Variants in GDPGP1 observed in about 807,000 individuals in gnomAD.
GDPGP1 encodes the protein GDP-D-glucose phosphorylase 1.
In GDPGP1, 18 loss-of-function variants were observed where a neutral mutation model predicts 19.2. The observed-to-expected ratio is 0.94, with a 90% CI of 0.65 to 1.39. The LOEUF is 1.39. Ranked by LOEUF, GDPGP1 falls within the 40% of genes most tolerant of loss-of-function variation. GDPGP1 has a pLI of 0.00. For synonymous variants in GDPGP1, 219 were observed against 208.9 expected (o/e 1.05, Z -0.42); for missense variants, 449 against 490.5 (o/e 0.92, Z 0.80).
chr15:90,242,092 T>C lies in GDPGP1; in HGVS notation c.*26T>C. On this transcript the variant is annotated 3_prime_UTR_variant, in exon 4 of 4. Transcript: ENST00000329600. ...TACTTCTGGATGTATTTATGTTCTT[T>C]TTTTCTTTTCTTTTGAGATAGGGTC... is the stretch of plus-strand genomic sequence containing the variant. 1 of 1,558,944 alleles carries C rather than the reference T, an allele frequency of 6.4e-7. No individual in the cohort carries two copies. Among genetic ancestry groups the C allele is most frequent in the South Asian group, 1.2e-5 (1 of 84,366 alleles).
At position 90,241,115 on chromosome 15, in the gene GDPGP1, G is replaced by A. The variant is rs748673590; in HGVS notation, c.207G>A (p.Gln69=). 1 of 1,614,162 alleles carries A rather than the reference G, an allele frequency of 6.2e-7. No individual in the cohort carries two copies. The highest frequency in any genetic ancestry group is 8.5e-7 in the Non-Finnish European group (1 of 1,180,008). Residue 69 remains glutamine (Q), a synonymous_variant, in exon 4 of 4, where the codon CAG becomes CAA. Transcript: ENST00000329600. The part of the protein sequence containing the change: ...FDAALCSAWK[Q]RVELGLFRYR... ...CTGCACTCTGCTCTGCCTGGAAGCAGCGGGTGGAGCTGGGGCTGTTTCGCT... is the reference window on the plus strand; with the variant it reads ...CTGCACTCTGCTCTGCCTGGAAGCAACGGGTGGAGCTGGGGCTGTTTCGCT...
chr15:90,241,933 A>C lies in GDPGP1; in HGVS notation c.1025A>C (p.Lys342Thr). 6.2e-7 allele frequency: 1 copy of C among 1,614,144 alleles called. No individual in the cohort carries two copies. Among genetic ancestry groups the C allele is most frequent in the East Asian group, 2.2e-5 (1 of 44,880 alleles). Residue 342 changes from lysine to threonine, a missense_variant, in exon 4 of 4, where the codon AAA (lysine) becomes ACA (threonine). By Grantham distance (78) the Lys-to-Thr change is moderately conservative. Transcript: ENST00000329600. ...LCELAGHLPVKTSQDFSSLTE... is the reference protein window; with the variant it reads ...LCELAGHLPVTTSQDFSSLTE... ...GAGCTGGCTGGGCACCTCCCTGTCA[A>C]AACATCCCAGGACTTCAGCAGCCTG...
At position 90,242,253 on chromosome 15, in the gene GDPGP1, C is replaced by CTT. The variant is rs141541505; in HGVS notation, c.*211_*212dup. On this transcript the variant is annotated 3_prime_UTR_variant, in exon 4 of 4. Transcript: ENST00000329600. ...TAGGCGTGCACCACCACACACCTGG[C>CTT]TTTTTTTTTTTTTTTTTTTTTTTTT... The CTT allele has an allele frequency of 1.1e-4, 10 of 89,300 alleles. No individual in the cohort carries two copies. Among genetic ancestry groups the CTT allele is most frequent in the African/African-American group, 1.4e-4 (2 of 14,548 alleles). The allele number at this position is 89,300 out of a possible 1,614,324, so 5.5% of individuals were successfully genotyped here.
chr15:90,241,185 G>A lies in GDPGP1; in HGVS notation c.277G>A (p.Gly93Ser). The change falls in exon 4 of 4, where the codon GGT (glycine) becomes AGT (serine). Residue 93 changes from glycine to serine, a missense_variant. By Grantham distance (56) the Gly-to-Ser change is moderately conservative (BLOSUM62 0). Coordinates refer to ENST00000329600, the MANE Select transcript of GDPGP1 (RefSeq NM_001013657.3). ...GACCCAAATCCTCCCTGGTGCTGTGGGTTTCGTGGCTCAGCTGAATGTGGA... is the reference window on the plus strand; with the variant it reads ...GACCCAAATCCTCCCTGGTGCTGTGAGTTTCGTGGCTCAGCTGAATGTGGA... ...LQTQILPGAV[G>S]FVAQLNVERG... The A allele has an allele frequency of 5.6e-6, 9 of 1,614,182 alleles. No homozygotes were observed. The highest frequency in any genetic ancestry group is 1.1e-5 in the South Asian group (1 of 91,086).
chr15:90,240,465 G>A (rs1179320305), intron 3 of GDPGP1, among the ~76,000 whole-genome samples: 1 of 149,324 alleles, frequency 6.7e-6, no homozygotes, highest in Non-Finnish European at 1.5e-5. Context: ...CCAAGATCGC[G>A]CCACTGCCCT....
rs747164123 is a variant in GDPGP1 at position 90,241,853 on chromosome 15, C to A, written c.945C>A (p.Ala315=). 207 of 1,614,008 alleles carry A rather than the reference C, an allele frequency of 1.3e-4. 2 individuals are homozygous for A. The South Asian group carries it at 2.1e-3, about 16-fold the overall frequency. ...ALTGVRVILW[A]RKSSFGIKDG... ...CAGGGGTCCGAGTAATTCTGTGGGC[C>A]CGGAAGTCCAGCTTTGGGATAAAGG... Residue 315 remains alanine (A), a synonymous_variant, in exon 4 of 4, where the codon GCC becomes GCA. Transcript: ENST00000329600.
At chr15:90,236,248 G>T (rs1962634751) in intron 2 of GDPGP1, 1 of 152,164 alleles carries the variant, frequency 6.6e-6, no homozygotes, top group Non-Finnish European at 1.5e-5. Flanking sequence ...ATGTTGGTCA[G>T]GCTTGTCTCG....
At chr15:90,240,351 T>C (rs766497948) in intron 3 of GDPGP1, among the ~76,000 whole-genome samples, 4 of 147,126 alleles carry the variant, frequency 2.7e-5, no homozygotes, top group Non-Finnish European at 6.0e-5. Context: ...CTACTAAAAA[T>C]ACAAAAATTA....
In GDPGP1 at chr15:90,242,316, C is replaced by T. The variant is rs942976370; in HGVS notation, c.*250C>T. On this transcript the variant is annotated 3_prime_UTR_variant, in exon 4 of 4. Coordinates refer to ENST00000329600, the MANE Select transcript of GDPGP1 (RefSeq NM_001013657.3). The stretch of plus-strand genomic sequence containing the variant: ...ATTTTGTATTTTTTTATATAGACAG[C>T]GTTTCACCATGTTGCCCAGGCTGGT... 2.8e-5 allele frequency: 7 copies of T among 252,474 alleles called. No individual in the cohort carries two copies. In the South Asian group the frequency reaches 6.6e-4, roughly 24 times the overall value. The allele number at this position is 252,474 out of a possible 1,614,324, so 15.6% of individuals were successfully genotyped here. A position where few individuals can be genotyped will look rare whatever the true frequency, so the allele number is the denominator to read the frequency against.
At position 90,243,299 on chromosome 15, in the gene GDPGP1, T is replaced by A. The variant is rs773059354; in HGVS notation, c.*1233T>A. 5 of 152,248 alleles carry A rather than the reference T, an allele frequency of 3.3e-5. No homozygotes were observed. The highest frequency in any genetic ancestry group is 5.9e-5 in the Non-Finnish European group (4 of 68,062). 9.4% of individuals were successfully genotyped at this position (152,248 alleles called of 1,614,324 possible). A position where few individuals can be genotyped will look rare whatever the true frequency, so the allele number is the denominator to read the frequency against. ...TTTCCTCTAGCCCCCAACACCAAGT[T>A]GAATGCTCTTCACTGACATCATCTG... On this transcript the variant is annotated 3_prime_UTR_variant, in exon 4 of 4. Transcript: ENST00000329600.
Position 90,244,948 on chromosome 15 carries a change from A to G in GDPGP1, c.*2882A>G, listed in dbSNP as rs934121286. 3 of 152,232 alleles carry G rather than the reference A, an allele frequency of 2.0e-5. No homozygotes were observed. The highest frequency in any genetic ancestry group is 2.1e-4 in the South Asian group (1 of 4,824). The allele number at this position is 152,232 out of a possible 1,614,324, so 9.4% of individuals were successfully genotyped here. A position where few individuals can be genotyped will look rare whatever the true frequency, so the allele number is the denominator to read the frequency against. ...AGCGTAAGGGTGAAAGGGGGCTCAC[A>G]CAGGTGGGTTCTGGCTGCTGTCTGA... On this transcript the variant is annotated 3_prime_UTR_variant, in exon 4 of 4. Coordinates refer to ENST00000329600, the MANE Select transcript of GDPGP1 (RefSeq NM_001013657.3).
At chr15:90,240,369 C>CT (rs1354799335) in intron 3 of GDPGP1, among the ~76,000 whole-genome samples, 1 of 140,176 alleles carries the variant, frequency 7.1e-6, no homozygotes, top group Non-Finnish European at 1.5e-5. Context: ...TTAGCCGGGC[C>CT]TGGTGGCGGG....
At position 90,240,945 on chromosome 15, in the gene GDPGP1, T is replaced by G. The variant is rs550287776; in HGVS notation, c.37T>G (p.Leu13Val). Residue 13 changes from leucine to valine, a missense_variant, in exon 4 of 4, where the codon TTG (leucine) becomes GTG (valine). By Grantham distance (32) the Leu-to-Val change is conservative. Coordinates refer to ENST00000329600, the MANE Select transcript of GDPGP1 (RefSeq NM_001013657.3). ...LPHDSNETSY[L>V]LPPNNEDWGR... is the part of the protein sequence containing the mutation. The stretch of plus-strand genomic sequence containing the variant: ...ACATGATTCAAACGAAACTTCCTAT[T>G]TGCTGCCTCCCAACAATGAGGACTG... The G allele has an allele frequency of 9.9e-6, 16 of 1,614,132 alleles. No individual in the cohort carries two copies. The South Asian group carries it at 1.6e-4, about 17-fold the overall frequency.
rs1319990747 is a variant in GDPGP1, at chr15:90,242,056, A to G, written c.1148A>G (p.Glu383Gly). ...QAALVALMSQ[E>G]EQ is the part of the protein sequence containing the mutation. ...GCACTGGTGGCCCTGATGTCCCAGG[A>G]AGAGCAATAATACTTCTGGATGTAT... Residue 383 changes from glutamate (E) to glycine (G), a missense_variant, in exon 4 of 4, where the codon GAA becomes GGA. Physicochemically the swap from Glu to Gly is moderately conservative, Grantham distance 98 (BLOSUM62 -2). Transcript: ENST00000329600. 6.2e-7 allele frequency: 1 copy of G among 1,603,636 alleles called. No homozygotes were observed. The highest frequency in any genetic ancestry group is 1.3e-5 in the African/African-American group (1 of 74,280).
rs1962774203 is a variant in GDPGP1, at chr15:90,242,016, G to A, written c.1108G>A (p.Glu370Lys). 1 of 1,613,960 alleles carries A rather than the reference G, an allele frequency of 6.2e-7. No homozygotes were observed. The highest frequency in any genetic ancestry group is 1.3e-5 in the African/African-American group (1 of 74,916). Residue 370 changes from glutamate to lysine, a missense_variant, in exon 4 of 4, where the codon GAA becomes AAA. Physicochemically the swap from Glu to Lys is moderately conservative, Grantham distance 56 (BLOSUM62 1). Coordinates refer to ENST00000329600, the MANE Select transcript of GDPGP1 (RefSeq NM_001013657.3). ...CTGTCGGCTGCCCCCATCCCAGGCA[G>A]AAGACGTACAGGCAGCACTGGTGGC... Reference protein sequence around the residue: ...QDCRLPPSQAEDVQAALVALM... With the variant: ...QDCRLPPSQAKDVQAALVALM...
At chr15:90,237,262 A>G (rs577703147) in intron 2 of GDPGP1, among the ~76,000 whole-genome samples, 2 of 134,260 alleles carry the variant, frequency 1.5e-5, no homozygotes, top group African/African-American at 5.6e-5. Flanking sequence ...CCCGGACTTT[A>G]TTGTAATTTT....
intron 3 of GDPGP1, among the ~76,000 whole-genome samples, chr15:90,239,718 AT>A (rs1037628340): frequency 2.6e-5 from 4 of 152,248 alleles, no homozygotes; most frequent in African/African-American, 9.6e-5. Context: ...CTATCTATCT[AT>A]TTTTTTGAGA....
rs754157909 is a variant in GDPGP1 at position 90,241,355 on chromosome 15, G to C, written c.447G>C (p.Leu149=). 1.1e-5 allele frequency: 18 copies of C among 1,614,196 alleles called. No individual in the cohort carries two copies. The highest frequency in any genetic ancestry group is 1.4e-5 in the Non-Finnish European group (17 of 1,180,042). ...HREPDLPGTL[L]QEDILVVINV... ...AGCCTGATCTCCCTGGGACTCTGCTGCAAGAAGACATCCTGGTGGTGATCA... is the reference window on the plus strand; with the variant it reads ...AGCCTGATCTCCCTGGGACTCTGCTCCAAGAAGACATCCTGGTGGTGATCA... Residue 149 remains leucine (L), a synonymous_variant, in exon 4 of 4, where the codon CTG becomes CTC. Coordinates refer to ENST00000329600, the MANE Select transcript of GDPGP1 (RefSeq NM_001013657.3).
intron 3 of GDPGP1, among the ~76,000 whole-genome samples, chr15:90,239,698 C>A (rs1410667829): frequency 6.6e-6 from 1 of 152,196 alleles, no homozygotes; most frequent in Non-Finnish European, 1.5e-5. Context: ...CATAGCCAAA[C>A]CATATCTATC....
Sources: allele counts gnomAD v4.1 joint callset (sites outside exome capture counted in the v4.1 genomes callset), GRCh38; gene constraint gnomAD v4.1.1; transcripts MANE v1.5; gene names NCBI Gene and HGNC (gene_info 2026-07-23, HGNC 2026-07-21).